PXDC1: variants seen among roughly 807,000 people sequenced by gnomAD.
PXDC1 encodes PX domain-containing protein 1.
In PXDC1, 13 loss-of-function variants were observed where a neutral mutation model predicts 24.4. That is an observed-to-expected ratio of 0.53 (90% CI 0.35 to 0.85). PXDC1 has a LOEUF of 0.85. Among genes scored for constraint, PXDC1 ranks in the 40% least tolerant of loss-of-function variants. PXDC1 has a pLI of 0.01. For missense variants in PXDC1, 344 were observed against 309.3 expected, an observed-to-expected ratio of 1.11 and a Z score of -0.84; for synonymous variants, 162 against 124.9, an observed-to-expected ratio of 1.30 and a Z score of -1.98.
At chr6:3,739,172 G>C in intron 1 of PXDC1, 1 of 1,077,988 alleles carries the variant, frequency 9.3e-7, no homozygotes, top group East Asian at 6.8e-5. Context: ...CTATAAGAGA[G>C]ATAAAAAAAG....
At chr6:3,729,477 C>T (rs1235898633) in intron 3 of PXDC1, among the ~76,000 whole-genome samples, 1 of 152,162 alleles carries the variant, frequency 6.6e-6, no homozygotes, top group Non-Finnish European at 1.5e-5. Flanking sequence ...TGCCCTCCTC[C>T]CTGTACCACC....
intron 3 of PXDC1, among the ~76,000 whole-genome samples, chr6:3,729,040 A>C (rs1171209586): frequency 6.6e-6 from 1 of 152,142 alleles, no homozygotes; most frequent in Non-Finnish European, 1.5e-5. Context: ...CCCATTCAGG[A>C]CACAGCTCCT....
At chr6:3,744,841 G>T (rs115120811) in intron 1 of PXDC1, among the ~76,000 whole-genome samples, 2,654 of 152,342 alleles carry the variant, frequency 0.017, 82 homozygotes, top group African/African-American at 0.06. Context: ...GGGACTACAG[G>T]CATGCGCGCT....
intron 1 of PXDC1, among the ~76,000 whole-genome samples, chr6:3,741,919 T>TA (rs34053981): frequency 0.22 from 33,859 of 151,686 alleles, 4,428 homozygotes; most frequent in Non-Finnish European, 0.3. Context: ...AAACACTTTT[T>TA]AAAAAAAAAC....
In PXDC1 at chr6:3,728,116, T is replaced by A. The variant is rs1760109806; in HGVS notation, c.467-454A>T. Among the ~76,000 whole-genome samples, 1 of 152,234 alleles carries A rather than the reference T, an allele frequency of 6.6e-6. No individual in the cohort carries two copies. Among genetic ancestry groups the A allele is most frequent in the Non-Finnish European group, 1.5e-5 (1 of 68,038 alleles). ...TATTGACTGCCCTGGGTTGTTGTTC[T>A]GACTGAATGAAATCAGTGTGCATTT... On this transcript the variant is annotated intron_variant, in intron 3 of 4. Coordinates refer to ENST00000380283, the MANE Select transcript of PXDC1 (RefSeq NM_183373.4). This position sits in a 1 kb window ranked among gnomAD's most constrained non-coding sequence, Gnocchi z 4.0.
intron 1 of PXDC1, among the ~76,000 whole-genome samples, chr6:3,747,851 T>C (rs548630608): frequency 2.0e-5 from 3 of 152,100 alleles, no homozygotes; most frequent in Non-Finnish European, 4.4e-5. Flanking sequence ...TGTTCACTGC[T>C]GTGCCACCAT....
chr6:3,728,285 C>G lies in PXDC1; in HGVS notation c.467-623G>C, dbSNP rs1341137307. On this transcript the variant is annotated intron_variant, in intron 3 of 4. Coordinates refer to ENST00000380283, the MANE Select transcript of PXDC1 (RefSeq NM_183373.4). The surrounding 1 kb of genome is among the most constrained non-coding windows in gnomAD (Gnocchi z 4.0). Reference sequence around the variant, plus strand: ...AGTAAGTAGTCTTTTATCCCTCACCCCACGAACCCAAAGTCCATGATATCA... The same window carrying G: ...AGTAAGTAGTCTTTTATCCCTCACCGCACGAACCCAAAGTCCATGATATCA... Among the ~76,000 whole-genome samples the G allele has an allele frequency of 1.3e-5, 2 of 152,184 alleles. No individual in the cohort carries two copies. The highest frequency in any genetic ancestry group is 4.8e-5 in the African/African-American group (2 of 41,446).
At chr6:3,743,864 TCTC>T (rs1161384792) in intron 1 of PXDC1, among the ~76,000 whole-genome samples, 3 of 152,078 alleles carry the variant, frequency 2.0e-5, no homozygotes, top group African/African-American at 7.2e-5. Context: ...CACAGCCACC[TCTC>T]CTCTACATCT....
chr6:3,743,016 G>A, intron 1 of PXDC1, among the ~76,000 whole-genome samples: 1 of 152,214 alleles, frequency 6.6e-6, no homozygotes, highest in East Asian at 1.9e-4. Flanking sequence ...ACAAAAATCT[G>A]ACAGTGAGAG....
chr6:3,736,822 C>T (rs555473864), intron 3 of PXDC1, among the ~76,000 whole-genome samples: 7 of 152,328 alleles, frequency 4.6e-5, no homozygotes, highest in South Asian at 4.1e-4. Flanking sequence ...GTTTGTTCAT[C>T]GTTATACCAT....
rs556098787 is a variant in PXDC1 at position 3,724,163 on chromosome 6, G to A, written c.579-427C>T. On this transcript the variant is annotated intron_variant, in intron 4 of 4. Transcript: ENST00000380283. This position sits in a 1 kb window ranked among gnomAD's most constrained non-coding sequence, Gnocchi z 4.5. The stretch of plus-strand genomic sequence containing the variant: ...CTCACAGCCTGACCGCAGCAGAGAT[G>A]ACACACGGACGCACAGGAGGCTGCG... 2.6e-5 allele frequency among the ~76,000 whole-genome samples: 4 copies of A among 152,264 alleles called. No homozygotes were observed. In the South Asian group the frequency reaches 6.2e-4, roughly 24 times the overall value.
At position 3,725,517 on chromosome 6, in the gene PXDC1, C is replaced by G. The variant is rs571303472; in HGVS notation, c.579-1781G>C. ...CCCTGGCACTGGTGCCCACTTGCCC[C>G]TGGGGCCAGACTCGGGGCAGCCTGC... On this transcript the variant is annotated intron_variant, in intron 4 of 4. Coordinates refer to ENST00000380283, the MANE Select transcript of PXDC1 (RefSeq NM_183373.4). This position sits in a 1 kb window ranked among gnomAD's most constrained non-coding sequence, Gnocchi z 4.8. Among the ~76,000 whole-genome samples the G allele has an allele frequency of 8.2e-4, 125 of 152,354 alleles. 1 individual carries two copies. Among genetic ancestry groups the G allele is most frequent in the African/African-American group, 2.7e-3 (114 of 41,592 alleles).
intron 1 of PXDC1, among the ~76,000 whole-genome samples, chr6:3,747,484 T>C (rs547653651): frequency 6.6e-6 from 1 of 151,896 alleles, no homozygotes; most frequent in South Asian, 2.1e-4. Context: ...TGACCAACAG[T>C]CTCCACACCA....
In PXDC1 at chr6:3,723,373, C is replaced by T. The variant is rs1412810994; in HGVS notation, c.*246G>A. 2 of 548,338 alleles carry T rather than the reference C, an allele frequency of 3.6e-6. No individual in the cohort carries two copies. Among genetic ancestry groups the T allele is most frequent in the Non-Finnish European group, 6.5e-6 (2 of 306,618 alleles). 34.0% of individuals were successfully genotyped at this position (548,338 alleles called of 1,614,324 possible). ...GCACCAAGCAGGGAGTGAAGACCCT[C>T]AGAACACAGGCCCTGTGGCCTCCGG... On this transcript the variant is annotated 3_prime_UTR_variant, in exon 5 of 5. Coordinates refer to ENST00000380283, the MANE Select transcript of PXDC1 (RefSeq NM_183373.4).
chr6:3,750,972 GCC>G (rs1272466679), intron 1 of PXDC1: 2 of 341,100 alleles, frequency 5.9e-6, no homozygotes, highest in African/African-American at 2.2e-5. Flanking sequence ...GGGCGCCCCC[GCC>G]CTCCTCGGAA....
chr6:3,749,449 A>C (rs536177099), intron 1 of PXDC1, among the ~76,000 whole-genome samples: 1 of 146,802 alleles, frequency 6.8e-6, no homozygotes, highest in South Asian at 2.5e-4. Flanking sequence ...CACTCTTTTG[A>C]GCCACTCCTG....
chr6:3,739,101 G>T, intron 1 of PXDC1: 1 of 1,176,814 alleles, frequency 8.5e-7, no homozygotes, highest in Non-Finnish European at 1.1e-6. Context: ...AGAAGTTCTG[G>T]TCTGATTTTG....
chr6:3,738,259 G>A, intron 1 of PXDC1, 111 bp from the exon 2 acceptor site: 1 of 796,916 alleles, frequency 1.3e-6, no homozygotes, highest in Non-Finnish European at 2.2e-6. Flanking sequence ...TCTGTAATGA[G>A]ATGTCGGGAA....
chr6:3,742,086 AAAG>A (rs1238029294), intron 1 of PXDC1, among the ~76,000 whole-genome samples: 1 of 152,234 alleles, frequency 6.6e-6, no homozygotes, highest in African/African-American at 2.4e-5. Flanking sequence ...TCAAATTTAT[AAAG>A]AAAAAGTTCT....
Sources: gnomAD v4.1 joint callset for allele counts (sites outside exome capture counted in the v4.1 genomes callset) on GRCh38, gnomAD v4.1.1 for gene constraint, Gnocchi (gnomAD v3.1) non-coding constraint, MANE v1.5 for transcripts, NCBI Gene and HGNC (gene_info 2026-07-23, HGNC 2026-07-21) for gene names.